The following NOBOX variants were observed in gnomAD, a reference collection of about 807,000 sequenced individuals.
The protein encoded by NOBOX is homeobox protein NOBOX.
A neutral mutation model predicts 60.2 loss-of-function variants in NOBOX; 46 were observed. The observed-to-expected ratio is 0.76, with a 90% CI of 0.60 to 0.98. The LOEUF (loss-of-function observed/expected upper bound fraction) is 0.98, where lower values mean the gene tolerates loss of function less well. Ranked by LOEUF, NOBOX falls within the 50% of genes least tolerant of loss-of-function variation. NOBOX has a pLI of 0.00. For synonymous variants in NOBOX, 360 were observed against 346.3 expected, an observed-to-expected ratio of 1.04 and a Z score of -0.44; for missense variants, 880 against 865.5, an observed-to-expected ratio of 1.02 and a Z score of -0.21.
At position 144,409,589 on chromosome 7, in the gene NOBOX, G is replaced by A. The variant is rs377064875; in HGVS notation, c.85+554C>T. 4.6e-5 allele frequency among the ~76,000 whole-genome samples: 7 copies of A among 152,246 alleles called. No individual in the cohort carries two copies. In the East Asian group the frequency reaches 1.3e-3, roughly 29 times the overall value. ...TCAGAATTTATTGAGTGGCAGTACT[G>A]TTATTTAACTATTTTTCAACTGTTG... On this transcript the variant is annotated intron_variant, in intron 1 of 9. Transcript: ENST00000467773.
In NOBOX at chr7:144,401,038, G is replaced by A; in HGVS notation, c.844+8C>T. 1.3e-6 allele frequency: 2 copies of A among 1,504,884 alleles called. No individual in the cohort carries two copies. Among genetic ancestry groups the A allele is most frequent in the Admixed American group, 2.3e-5 (1 of 44,022 alleles). The allele number at this position is 1,504,884 out of a possible 1,614,324, so 93.2% of individuals were successfully genotyped here. A position where few individuals can be genotyped will look rare whatever the true frequency, so the allele number is the denominator to read the frequency against. ...GATCTCTTCGGTTTCCTCTCTTTAG[G>A]GACTTACCTGAGCGGTATAGGGTTC... is the stretch of plus-strand genomic sequence containing the variant. On this transcript the variant is annotated splice_region_variant and intron_variant, in intron 4 of 9. Transcript: ENST00000467773. This position sits in a 1 kb window ranked among gnomAD's most constrained non-coding sequence, Gnocchi z 4.2.
At chr7:144,406,453 G>C (rs1211057875) in intron 1 of NOBOX, among the ~76,000 whole-genome samples, 1 of 152,154 alleles carries the variant, frequency 6.6e-6, no homozygotes, top group Non-Finnish European at 1.5e-5. Context: ...AGCTACTTGG[G>C]AGGCTGAGGC....
rs1356008737 is a variant in NOBOX at position 144,399,506 on chromosome 7, T to G, written c.1155-24A>C. On this transcript the variant is annotated intron_variant, in intron 6 of 9. Coordinates refer to ENST00000467773, the MANE Select transcript of NOBOX (RefSeq NM_001080413.3). ...AGCTGGAGGCAGGAAGAATGAAGACTGTAGCTTTGGTGGTCTCTGGATTTG... is the reference window on the plus strand; with the variant it reads ...AGCTGGAGGCAGGAAGAATGAAGACGGTAGCTTTGGTGGTCTCTGGATTTG... 9.1e-6 allele frequency: 14 copies of G among 1,540,684 alleles called. No homozygotes were observed. In the Admixed American group the frequency reaches 2.3e-4, roughly 26 times the overall value.
intron 1 of NOBOX, among the ~76,000 whole-genome samples, chr7:144,405,465 G>C (rs1030108349): frequency 4.6e-5 from 7 of 152,162 alleles, no homozygotes; most frequent in Non-Finnish European, 7.3e-5. Context: ...AGTATGAAAG[G>C]CTACTATGGA....
At position 144,407,994 on chromosome 7, in the gene NOBOX, C is replaced by T. The variant is rs202035283; in HGVS notation, c.85+2149G>A. Among the ~76,000 whole-genome samples the T allele has an allele frequency of 6.2e-4, 95 of 152,204 alleles. No homozygotes were observed. The East Asian group carries it at 0.01, about 16-fold the overall frequency. On this transcript the variant is annotated intron_variant, in intron 1 of 9. Transcript: ENST00000467773. Reference sequence around the variant, plus strand: ...GCCTGAGTCTGGGATGCACTTTCTTCTTTCTATTCTATTCTAGTCTTCTCC... The same window carrying T: ...GCCTGAGTCTGGGATGCACTTTCTTTTTTCTATTCTATTCTAGTCTTCTCC...
intron 5 of NOBOX, 143 bp from the exon 4 acceptor site, chr7:144,400,006 T>G: frequency 1.4e-6 from 2 of 1,381,458 alleles, no homozygotes; most frequent in Non-Finnish European, 2.0e-6. Context: ...GCTGGTTTTA[T>G]CAAAAGTCTC....
At chr7:144,400,409 G>A (rs896319634) in intron 4 of NOBOX, 97 bp from the exon 3 acceptor site, 2 of 1,089,146 alleles carry the variant, frequency 1.8e-6, no homozygotes, top group African/African-American at 3.1e-5. Flanking sequence ...AACAGATGGG[G>A]CCACTGCCCC....
chr7:144,399,691 TCAGGATC>T (rs1201157904), intron 6 of NOBOX, 59 bp downstream of exon 4: 3 of 1,375,198 alleles, frequency 2.2e-6, no homozygotes, highest in Admixed American at 2.0e-5. Context: ...TTCTAGACCC[TCAGGATC>T]CCAGCTTGGA....
rs763616279 is a variant in NOBOX, at chr7:144,401,412, G to A, written c.478C>T (p.Pro160Ser). The change falls in exon 4 of 10, where the codon CCG becomes TCG. Residue 160 changes from proline to serine, a missense_variant. Pro to Ser is a moderately conservative substitution (Grantham distance 74). Transcript: ENST00000467773. This position sits in a 1 kb window ranked among gnomAD's most constrained non-coding sequence, Gnocchi z 4.2. ...TGGGGAGCCCTGGAGCGGGGGGGCG[G>A]GCACAGTCTCCCAGCATCAGCCCCG... 1.2e-6 allele frequency: 2 copies of A among 1,612,036 alleles called. No homozygotes were observed. Among genetic ancestry groups the A allele is most frequent in the South Asian group, 1.1e-5 (1 of 90,964 alleles).
chr7:144,399,565 T>G, intron 6 of NOBOX, 83 bp from the exon 5 acceptor site: 1 of 1,258,274 alleles, frequency 7.9e-7, no homozygotes, highest in Non-Finnish European at 1.1e-6. Flanking sequence ...AGACACCAAT[T>G]CCCAAACTCT....
Position 144,401,166 on chromosome 7 carries a change from A to G in NOBOX, c.724T>C (p.Cys242Arg), listed in dbSNP as rs779531370. Reference sequence around the variant, plus strand: ...GTACTGAGGAGATTGGCCAGGTGGCAGGGCCCCCGGCCTGACCCACAGGGC... The same window carrying G: ...GTACTGAGGAGATTGGCCAGGTGGCGGGGCCCCCGGCCTGACCCACAGGGC... The change falls in exon 4 of 10, where the codon TGC becomes CGC. Residue 242 changes from cysteine (C) to arginine (R), a missense_variant. Physicochemically the swap from Cys to Arg is radical, Grantham distance 180 (BLOSUM62 -3). Coordinates refer to ENST00000467773, the MANE Select transcript of NOBOX (RefSeq NM_001080413.3). The surrounding 1 kb of genome is among the most constrained non-coding windows in gnomAD (Gnocchi z 4.2). 18 of 1,612,056 alleles carry G rather than the reference A, an allele frequency of 1.1e-5. No homozygotes were observed. Among genetic ancestry groups the G allele is most frequent in the Non-Finnish European group, 1.5e-5 (18 of 1,178,670 alleles).
intron 4 of NOBOX, among the ~76,000 whole-genome samples, chr7:144,400,827 T>A (rs2053932296): frequency 6.6e-6 from 1 of 152,212 alleles, no homozygotes; most frequent in Non-Finnish European, 1.5e-5. Flanking sequence ...CATGAGCCAC[T>A]GTGCCTGGCT....
At chr7:144,397,144 A>G, downstream of NOBOX, 1 of 1,044,794 alleles carries the variant, frequency 9.6e-7, no homozygotes, top group Non-Finnish European at 1.3e-6. Context: ...CAGTCTACAG[A>G]GTCCACACTC....
chr7:144,405,959 G>A (rs948038789), intron 1 of NOBOX, among the ~76,000 whole-genome samples: 2 of 152,180 alleles, frequency 1.3e-5, no homozygotes, highest in Non-Finnish European at 2.9e-5. Flanking sequence ...AGGGATGGTA[G>A]GGGCCTGTGT....
chr7:144,401,966 G>A lies in NOBOX; in HGVS notation c.211-16C>T. 1 of 1,585,262 alleles carries A rather than the reference G, an allele frequency of 6.3e-7. No individual in the cohort carries two copies. The highest frequency in any genetic ancestry group is 8.7e-7 in the Non-Finnish European group (1 of 1,154,416). On this transcript the variant is annotated splice_polypyrimidine_tract_variant and intron_variant, in intron 2 of 9. Transcript: ENST00000467773. The surrounding 1 kb of genome is among the most constrained non-coding windows in gnomAD (Gnocchi z 4.2). The stretch of plus-strand genomic sequence containing the variant: ...CATGTTGGGGCTGCGGATGGACCAG[G>A]AAGACAAAGAGAAACAGATTGACAG...
intron 4 of NOBOX, among the ~76,000 whole-genome samples, 182 bp from the exon 3 acceptor site, chr7:144,400,494 A>G (rs544555126): frequency 6.6e-6 from 1 of 152,352 alleles, no homozygotes; most frequent in East Asian, 1.9e-4. Flanking sequence ...AGCAGAGAGC[A>G]GTATGTTTAC....
chr7:144,405,561 C>T (rs2053979714), intron 1 of NOBOX, among the ~76,000 whole-genome samples: 1 of 152,138 alleles, frequency 6.6e-6, no homozygotes, highest in African/African-American at 2.4e-5. Flanking sequence ...TGGAGTTTAC[C>T]ACATCACAGT....
chr7:144,403,580 C>T (rs2053959192), intron 2 of NOBOX, 77 bp downstream of exon 1: 13 of 611,130 alleles, frequency 2.1e-5, no homozygotes, highest in South Asian at 1.9e-4. Flanking sequence ...TAACGCTGAC[C>T]TGGTGATCAC....
chr7:144,401,242 T>A lies in NOBOX; in HGVS notation c.648A>T (p.Pro216=). The A allele has an allele frequency of 6.2e-7, 1 of 1,613,626 alleles. No homozygotes were observed. The highest frequency in any genetic ancestry group is 1.3e-5 in the African/African-American group (1 of 75,040). Residue 216 remains proline (P), a synonymous_variant, in exon 4 of 10, where the codon CCA becomes CCT. Transcript: ENST00000467773. The surrounding 1 kb of genome is among the most constrained non-coding windows in gnomAD (Gnocchi z 4.2). ...AGTTAGGGGCACCCGGAGATGATGT[T>A]GGGGCCAGACCCATGGCATTAGGCT...
Sources: gnomAD v4.1 joint callset for allele counts (sites outside exome capture counted in the v4.1 genomes callset) on GRCh38, gnomAD v4.1.1 for gene constraint, Gnocchi (gnomAD v3.1) non-coding constraint, MANE v1.5 for transcripts, NCBI Gene and HGNC (gene_info 2026-07-23, HGNC 2026-07-21) for gene names.